GLIS2: variants seen among roughly 807,000 people sequenced by gnomAD.
The protein encoded by GLIS2 is GLIS family zinc finger 2.
In GLIS2, 14 loss-of-function variants were observed where a neutral mutation model predicts 35.6. That is an observed-to-expected ratio of 0.39 (90% CI 0.26 to 0.61). The LOEUF (loss-of-function observed/expected upper bound fraction) is 0.61, where lower values mean the gene tolerates loss of function less well. Among genes scored for constraint, GLIS2 ranks in the 20% least tolerant of loss-of-function variants. GLIS2 has a pLI of 0.48. For missense variants in GLIS2, 675 were observed against 713.4 expected (o/e 0.95, Z 0.61); for synonymous variants, 368 against 325.1 (o/e 1.13, Z -1.42).
chr16:4,321,085 G>A (rs1431905991), intron 1 of GLIS2, among the ~76,000 whole-genome samples: 2 of 152,226 alleles, frequency 1.3e-5, no homozygotes, highest in Non-Finnish European at 2.9e-5. Flanking sequence ...GAGGAGGAGG[G>A]CATGGGCTGG....
intron 1 of GLIS2, among the ~76,000 whole-genome samples, 112 bp downstream of exon 1, chr16:4,316,366 T>C (rs2053312797): frequency 7.6e-6 from 1 of 131,596 alleles, no homozygotes; most frequent in Non-Finnish European, 1.6e-5. Flanking sequence ...CCCGCTCGCG[T>C]CCGCGCCCCG....
Position 4,337,404 on chromosome 16 carries a change from C to A in GLIS2, c.1455C>A (p.Gly485=). The change falls in exon 7 of 7, where the codon GGC becomes GGA. Residue 485 remains glycine (G), a synonymous_variant. Coordinates refer to ENST00000433375, the MANE Select transcript of GLIS2 (RefSeq NM_032575.3). The stretch of plus-strand genomic sequence containing the variant: ...CCGATGGACTCCCCCTGCTGCCAGG[C>A]ACCGTGCTGGACCTGTCCACGGGCG... ...PSPDGLPLLP[G]TVLDLSTGVN... is the part of the protein sequence containing the mutation. 1 of 1,590,374 alleles carries A rather than the reference C, an allele frequency of 6.3e-7. No individual in the cohort carries two copies.
rs1174138787 is a variant in GLIS2 at position 4,335,466 on chromosome 16, G to A, written c.775+73G>A. 4.6e-6 allele frequency: 6 copies of A among 1,310,764 alleles called. No homozygotes were observed. Among genetic ancestry groups the A allele is most frequent in the Admixed American group, 1.7e-5 (1 of 59,074 alleles). The allele number at this position is 1,310,764 out of a possible 1,614,324, so 81.2% of individuals were successfully genotyped here. On this transcript the variant is annotated intron_variant, in intron 6 of 6. Transcript: ENST00000433375. This position sits in a 1 kb window ranked among gnomAD's most constrained non-coding sequence, Gnocchi z 4.6. ...CTGAGACCGGCTGGGCAGGTCCCCA[G>A]GGGGAGGGGACTGTTAAGTAAATCC...
Position 4,337,482 on chromosome 16 carries a change from C to T in GLIS2, c.1533C>T (p.Ile511=). 6.4e-7 allele frequency: 1 copy of T among 1,571,852 alleles called. No individual in the cohort carries two copies. Among genetic ancestry groups the T allele is most frequent in the South Asian group, 1.2e-5 (1 of 86,650 alleles). Residue 511 remains isoleucine (I), a synonymous_variant, in exon 7 of 7, where the codon ATC becomes ATT. Transcript: ENST00000433375. ...PEALAPGWVV[I]PPGSVLLKPA... ...CGTTGGCCCCTGGCTGGGTGGTCAT[C>T]CCGCCGGGCTCGGTGCTGCTCAAAC...
chr16:4,326,886 G>C (rs372385035), intron 1 of GLIS2, among the ~76,000 whole-genome samples: 7 of 151,720 alleles, frequency 4.6e-5, no homozygotes, highest in African/African-American at 1.7e-4. Flanking sequence ...TCAGCCTCCC[G>C]GGTAGCTGGA....
At chr16:4,324,337 G>A (rs1413043063) in intron 1 of GLIS2, among the ~76,000 whole-genome samples, 1 of 152,200 alleles carries the variant, frequency 6.6e-6, no homozygotes, top group East Asian at 1.9e-4. Flanking sequence ...CCTGGGAGGA[G>A]GCCTGTCTGC....
rs1359214998 is a variant in GLIS2, at chr16:4,337,324, G to T, written c.1375G>T (p.Glu459Ter). Reference protein sequence around the residue: ...GSVPTRALGMEGHKTPLERTE... With the variant: ...GSVPTRALGM Reference sequence around the variant, plus strand: ...GGTGCCCACCAGGGCCCTGGGCATGGAGGGCCACAAGACGCCCCTTGAAAG... The same window carrying T: ...GGTGCCCACCAGGGCCCTGGGCATGTAGGGCCACAAGACGCCCCTTGAAAG... The change falls in exon 7 of 7, where the codon GAG (glutamate) becomes TAG (stop). Residue 459 changes from glutamate to a stop codon, truncating the protein, a stop_gained. Transcript: ENST00000433375. LOFTEE classifies it high-confidence loss of function. 1 of 1,578,058 alleles carries T rather than the reference G, an allele frequency of 6.3e-7. No homozygotes were observed.
chr16:4,318,518 A>C lies in GLIS2; in HGVS notation c.-67+2264A>C, dbSNP rs1204522076. 2.6e-5 allele frequency among the ~76,000 whole-genome samples: 4 copies of C among 152,302 alleles called. No individual in the cohort carries two copies. The East Asian group carries it at 7.7e-4, about 29-fold the overall frequency. ...CCCCCAAAGCTTTTGTTTCTGAGAAACCCAGCTGCAACTGGGTAGCCACAG... is the reference window on the plus strand; with the variant it reads ...CCCCCAAAGCTTTTGTTTCTGAGAACCCCAGCTGCAACTGGGTAGCCACAG... On this transcript the variant is annotated intron_variant, in intron 1 of 6. Transcript: ENST00000433375.
intron 1 of GLIS2, chr16:4,324,748 G>A (rs1054956744): frequency 3.3e-5 from 5 of 152,312 alleles, no homozygotes; most frequent in African/African-American, 1.2e-4. Context: ...AATAGTGATT[G>A]GATGTGCAGC....
At chr16:4,329,943 C>T (rs990099641) in intron 1 of GLIS2, among the ~76,000 whole-genome samples, 5 of 152,100 alleles carry the variant, frequency 3.3e-5, no homozygotes, top group Non-Finnish European at 7.4e-5. Flanking sequence ...TGACCTTGTT[C>T]TTGGGTCGGT....
rs1300681181 is a variant in GLIS2, at chr16:4,335,903, C to T, written c.775+510C>T. 2.1e-5 allele frequency: 4 copies of T among 187,832 alleles called. No individual in the cohort carries two copies. Among genetic ancestry groups the T allele is most frequent in the Admixed American group, 1.1e-4 (2 of 18,766 alleles). The allele number at this position is 187,832 out of a possible 1,614,324, so 11.6% of individuals were successfully genotyped here. On this transcript the variant is annotated intron_variant, in intron 6 of 6. Coordinates refer to ENST00000433375, the MANE Select transcript of GLIS2 (RefSeq NM_032575.3). The surrounding 1 kb of genome is among the most constrained non-coding windows in gnomAD (Gnocchi z 4.6). ...TGAAGTTCTTCATTTCATGACAAAG[C>T]CTCAAGGAGCTGATGTGTATGTTTT...
Position 4,335,966 on chromosome 16 carries a change from G to A in GLIS2, c.775+573G>A. On this transcript the variant is annotated intron_variant, in intron 6 of 6. Coordinates refer to ENST00000433375, the MANE Select transcript of GLIS2 (RefSeq NM_032575.3). This position sits in a 1 kb window ranked among gnomAD's most constrained non-coding sequence, Gnocchi z 4.6. ...ATTTCACCCTGGCAGCACATCTCCA[G>A]GTGGAGAGCCATGTATCAGGAGGTC... 1 of 180,028 alleles carries A rather than the reference G, an allele frequency of 5.6e-6. No individual in the cohort carries two copies. Among genetic ancestry groups the A allele is most frequent in the Non-Finnish European group, 1.2e-5 (1 of 83,932 alleles). 11.2% of individuals were successfully genotyped at this position (180,028 alleles called of 1,614,324 possible).
At position 4,335,448 on chromosome 16, in the gene GLIS2, CG is replaced by C; in HGVS notation, c.775+57del. 2.0e-6 allele frequency: 3 copies of C among 1,524,772 alleles called. No homozygotes were observed. The South Asian group carries it at 3.4e-5, about 17-fold the overall frequency. The allele number at this position is 1,524,772 out of a possible 1,614,324, so 94.5% of individuals were successfully genotyped here. On this transcript the variant is annotated intron_variant, in intron 6 of 6. Transcript: ENST00000433375. This position sits in a 1 kb window ranked among gnomAD's most constrained non-coding sequence, Gnocchi z 4.6. ...CATGAAGGGGGCGCTCAGCTGAGAC[CG>C]GCTGGGCAGGTCCCCAGGGGGAGGG...
rs767894873 is a variant in GLIS2 at position 4,335,203 on chromosome 16, G to T, written c.656+10G>T. The T allele has an allele frequency of 6.2e-7, 1 of 1,613,534 alleles. No individual in the cohort carries two copies. Among genetic ancestry groups the T allele is most frequent in the Admixed American group, 1.7e-5 (1 of 60,024 alleles). ...GAGGTTTCAACGCCAGGTGAGGTGGGGGAGAGAGGGGTAGAGGGAGGACTG... is the reference window on the plus strand; with the variant it reads ...GAGGTTTCAACGCCAGGTGAGGTGGTGGAGAGAGGGGTAGAGGGAGGACTG... On this transcript the variant is annotated intron_variant, in intron 5 of 6. Transcript: ENST00000433375. This position sits in a 1 kb window ranked among gnomAD's most constrained non-coding sequence, Gnocchi z 4.6.
At chr16:4,331,020 AGGCTGGAGTGCAGTGGTGCGATCTC>A (rs1241554676) in intron 1 of GLIS2, among the ~76,000 whole-genome samples, 2 of 152,322 alleles carry the variant, frequency 1.3e-5, no homozygotes, top group Admixed American at 6.5e-5. Context: ...TCTGTCGCCC[AGGCTGGAGTGCAGTGGTGCGATCTC>A]GGCTCACTGC....
chr16:4,334,907 C>T lies in GLIS2; in HGVS notation c.452C>T (p.Thr151Ile), dbSNP rs2053534132. 6.2e-7 allele frequency: 1 copy of T among 1,613,200 alleles called. No individual in the cohort carries two copies. The highest frequency in any genetic ancestry group is 2.2e-5 in the East Asian group (1 of 44,880). The change falls in exon 4 of 7, where the codon ACC becomes ATC. Residue 151 changes from threonine to isoleucine, a missense_variant. Physicochemically the swap from Thr to Ile is moderately conservative, Grantham distance 89 (BLOSUM62 -1). Around this residue, in one of 3 missense-constraint regions of GLIS2, gnomAD observed 225 missense variants for 238.7 expected, o/e 0.94. Transcript: ENST00000433375. ...CACCTGCCTGCCTCCTCCTTCCTTA[C>T]CCCTCCCAAGGACAAGTGCCTCTCG... Reference protein sequence around the residue: ...ALHLPASSFLTPPKDKCLSPD... With the variant: ...ALHLPASSFLIPPKDKCLSPD...
At chr16:4,325,868 C>T (rs914945256) in intron 1 of GLIS2, among the ~76,000 whole-genome samples, 4 of 138,950 alleles carry the variant, frequency 2.9e-5, no homozygotes, top group Non-Finnish European at 4.5e-5. Flanking sequence ...GCCTCGGCGG[C>T]AGTTAGCCAT....
At chr16:4,315,934 G>A (rs1215501366), upstream of GLIS2, among the ~76,000 whole-genome samples, 4 of 148,236 alleles carry the variant, frequency 2.7e-5, no homozygotes, top group Non-Finnish European at 6.0e-5. Context: ...AGGGGTGGAG[G>A]CCGCCCCCCG....
chr16:4,326,085 A>G lies in GLIS2; in HGVS notation c.-66-6130A>G, dbSNP rs1451569975. 2.0e-5 allele frequency among the ~76,000 whole-genome samples: 3 copies of G among 151,928 alleles called. No homozygotes were observed. The East Asian group carries it at 5.8e-4, about 29-fold the overall frequency. ...AACCCTATCTCTACTAAAAAAATACACACAAAAAAATTAGCCGGGTGTGGT... is the reference window on the plus strand; with the variant it reads ...AACCCTATCTCTACTAAAAAAATACGCACAAAAAAATTAGCCGGGTGTGGT... On this transcript the variant is annotated intron_variant, in intron 1 of 6. Transcript: ENST00000433375.
Sources: allele counts gnomAD v4.1 joint callset (sites outside exome capture counted in the v4.1 genomes callset), GRCh38; gene constraint gnomAD v4.1.1; regional missense constraint gnomAD v4.1.1; non-coding constraint Gnocchi (gnomAD v3.1); transcripts MANE v1.5; gene names NCBI Gene and HGNC (gene_info 2026-07-23, HGNC 2026-07-21).